Variants in ABCA1 observed in about 807,000 individuals in gnomAD.
The protein encoded by ABCA1 is phospholipid-transporting ATPase ABCA1.
In ABCA1, 133 loss-of-function variants were observed where a neutral mutation model predicts 262.5. That is an observed-to-expected ratio of 0.51 (90% CI 0.44 to 0.59). The LOEUF (loss-of-function observed/expected upper bound fraction) is 0.59. ABCA1 is among the 20% of genes least tolerant of loss of function. ABCA1 has a pLI of 0.00. For synonymous variants in ABCA1, 1,022 were observed against 1,043.5 expected, an observed-to-expected ratio of 0.98 and a Z score of 0.40; for missense variants, 2,452 against 2,777.5, an observed-to-expected ratio of 0.88 and a Z score of 2.63.
chr9:104,895,034 C>T (rs1258011230), intron 2 of ABCA1, among the ~76,000 whole-genome samples: 1 of 152,168 alleles, frequency 6.6e-6, no homozygotes, highest in Non-Finnish European at 1.5e-5. Context: ...ATTTCTCCTC[C>T]TTCTCTAAGC....
intron 1 of ABCA1, among the ~76,000 whole-genome samples, chr9:104,904,701 C>T (rs551111676): frequency 1.4e-4 from 22 of 152,184 alleles, no homozygotes; most frequent in African/African-American, 4.6e-4. Flanking sequence ...ACAACCCTAG[C>T]GCTGTGTCTC....
At chr9:104,891,856 T>C (rs1472862969) in intron 2 of ABCA1, among the ~76,000 whole-genome samples, 3 of 150,258 alleles carry the variant, frequency 2.0e-5, no homozygotes, top group Non-Finnish European at 4.4e-5. Flanking sequence ...TCCCAGCTAC[T>C]TGGGAGGCTG....
chr9:104,880,852 T>C (rs1344043998), intron 5 of ABCA1, among the ~76,000 whole-genome samples: 1 of 151,946 alleles, frequency 6.6e-6, no homozygotes. Flanking sequence ...AACTCATGTC[T>C]CCAGCTTCTC....
intron 8 of ABCA1, among the ~76,000 whole-genome samples, chr9:104,842,551 T>C (rs1452586334): frequency 6.6e-6 from 1 of 152,192 alleles, no homozygotes; most frequent in African/African-American, 2.4e-5. Context: ...GGTAAACTCT[T>C]ACTCTTTCTC....
intron 3 of ABCA1, among the ~76,000 whole-genome samples, chr9:104,885,578 A>G (rs1461846390): frequency 4.6e-5 from 7 of 152,176 alleles, no homozygotes; most frequent in Admixed American, 1.3e-4. Flanking sequence ...GGCCCCATGC[A>G]CTAGGTCATC....
chr9:104,822,600 G>T lies in ABCA1; in HGVS notation c.2724C>A (p.Tyr908Ter). The change falls in exon 19 of 50, where the codon TAC becomes TAA. Residue 908 changes from tyrosine to a stop codon, truncating the protein, a stop_gained. Coordinates refer to ENST00000374736, the MANE Select transcript of ABCA1 (RefSeq NM_005502.4). LOFTEE classifies it high-confidence loss of function. ...CGACAGCCACCTTCATCCCATCTCG[G>T]TAGACTTTTACCAGGTTCTGAATGG... Reference protein sequence around the residue: ...GVSIQNLVKVYRDGMKVAVDG... With the variant: ...GVSIQNLVKV 1 of 1,614,064 alleles carries T rather than the reference G, an allele frequency of 6.2e-7. No homozygotes were observed. Among genetic ancestry groups the T allele is most frequent in the Non-Finnish European group, 8.5e-7 (1 of 1,180,000 alleles).
chr9:104,806,724 C>T (rs1348315079), intron 30 of ABCA1, among the ~76,000 whole-genome samples: 1 of 152,178 alleles, frequency 6.6e-6, no homozygotes, highest in Non-Finnish European at 1.5e-5. Flanking sequence ...ACCATTTGCT[C>T]ACACAACAAA....
intron 15 of ABCA1, among the ~76,000 whole-genome samples, chr9:104,828,020 T>C (rs979732545): frequency 6.6e-6 from 1 of 152,242 alleles, no homozygotes; most frequent in Non-Finnish European, 1.5e-5. Flanking sequence ...TCAAAAACAT[T>C]TATTTTTACC....
chr9:104,829,534 A>G (rs1028984340), intron 14 of ABCA1, among the ~76,000 whole-genome samples: 2 of 152,222 alleles, frequency 1.3e-5, no homozygotes, highest in Admixed American at 6.5e-5. Flanking sequence ...CACACCACAG[A>G]CATACATTTC....
At chr9:104,858,391 G>T in intron 7 of ABCA1, 131 bp downstream of exon 7, 1 of 1,011,766 alleles carries the variant, frequency 9.9e-7, no homozygotes, top group Non-Finnish European at 1.5e-6. Context: ...GAATACCACT[G>T]AACTAAATTA....
intron 2 of ABCA1, among the ~76,000 whole-genome samples, chr9:104,896,748 T>TTTTGA (rs1840256620): frequency 8.2e-6 from 1 of 121,666 alleles, no homozygotes; most frequent in South Asian, 2.9e-4. Context: ...TTTTTTTTTT[T>TTTTGA]CAGACAGAGT....
intron 15 of ABCA1, 118 bp from the exon 16 acceptor site, chr9:104,827,287 G>A (rs1017441357): frequency 3.1e-5 from 26 of 850,580 alleles, no homozygotes; most frequent in South Asian, 1.3e-4. Context: ...ATGCAGAGGC[G>A]TAATGCTGTT....
At chr9:104,810,541 C>T (rs951719457) in intron 29 of ABCA1, among the ~76,000 whole-genome samples, 2 of 152,062 alleles carry the variant, frequency 1.3e-5, no homozygotes, top group Non-Finnish European at 2.9e-5. Context: ...GATTATTTCA[C>T]CTAAAACACA....
intron 5 of ABCA1, among the ~76,000 whole-genome samples, chr9:104,870,867 T>A (rs977675890): frequency 6.6e-6 from 1 of 151,448 alleles, no homozygotes; most frequent in African/African-American, 2.4e-5. Context: ...GGGCAGGGGG[T>A]CACAAGGTGC....
chr9:104,792,577 A>G (rs1255858680), intron 42 of ABCA1, among the ~76,000 whole-genome samples: 1 of 152,246 alleles, frequency 6.6e-6, no homozygotes, highest in Non-Finnish European at 1.5e-5. Context: ...GTATTCGAGA[A>G]TGGGAATTCA....
At chr9:104,814,383 G>A in intron 26 of ABCA1, 44 bp downstream of exon 26, 1 of 1,599,728 alleles carries the variant, frequency 6.3e-7, no homozygotes, top group Admixed American at 1.7e-5. Flanking sequence ...AAAGCCAGCA[G>A]AAGGCACTAT....
chr9:104,859,565 G>A (rs979808313), intron 6 of ABCA1, among the ~76,000 whole-genome samples: 2 of 152,182 alleles, frequency 1.3e-5, no homozygotes, highest in African/African-American at 4.8e-5. Flanking sequence ...ACAACCTAAG[G>A]TGAGTGATGG....
In ABCA1 at chr9:104,781,349, G is replaced by A. The variant is rs1460883455; in HGVS notation, c.*2966C>T. On this transcript the variant is annotated 3_prime_UTR_variant, in exon 50 of 50. Coordinates refer to ENST00000374736, the MANE Select transcript of ABCA1 (RefSeq NM_005502.4). ...ATGGAAATAGAAACATTCTAAGGGG[G>A]ATGCAACAATTTTGAAAAGAATTAG... 2 of 152,478 alleles carry A rather than the reference G, an allele frequency of 1.3e-5. No homozygotes were observed. The highest frequency in any genetic ancestry group is 2.9e-5 in the Non-Finnish European group (2 of 68,004). The allele number at this position is 152,478 out of a possible 1,614,324, so 9.4% of individuals were successfully genotyped here.
At chr9:104,802,275 G>T in intron 33 of ABCA1, 116 bp from the exon 34 acceptor site, 1 of 902,926 alleles carries the variant, frequency 1.1e-6, no homozygotes, top group Non-Finnish European at 1.8e-6. Flanking sequence ...TCAAAGGAGG[G>T]CTAAATTTTG....
Sources: gnomAD v4.1 joint callset for allele counts (sites outside exome capture counted in the v4.1 genomes callset) on GRCh38, gnomAD v4.1.1 for gene constraint, MANE v1.5 for transcripts, NCBI Gene and HGNC (gene_info 2026-07-23, HGNC 2026-07-21) for gene names.